PLCE1: variants seen among roughly 807,000 people sequenced by gnomAD.
PLCE1 encodes 1-phosphatidylinositol 4,5-bisphosphate phosphodiesterase epsilon-1.
PLCE1 carries 119 observed loss-of-function variants against 242.8 expected under a neutral mutation model. The ratio of observed to expected loss-of-function variants is 0.49; its 90% CI spans 0.42 to 0.57. The LOEUF (loss-of-function observed/expected upper bound fraction) is 0.57, where lower values mean the gene tolerates loss of function less well. Ranked by LOEUF, PLCE1 falls within the 20% of genes least tolerant of loss-of-function variation. The pLI is 0.00. For missense variants in PLCE1, 2,441 were observed against 2,788.8 expected (o/e 0.88, Z 2.81); for synonymous variants, 945 against 1,017.4 (o/e 0.93, Z 1.35).
chr10:94,119,547 G>T (rs2046239902), intron 2 of PLCE1, among the ~76,000 whole-genome samples: 1 of 152,076 alleles, frequency 6.6e-6, no homozygotes, highest in African/African-American at 2.4e-5. Context: ...TGTTCCCTTT[G>T]CTTAGAACAT....
At chr10:94,157,071 CA>C (rs997492970) in intron 3 of PLCE1, among the ~76,000 whole-genome samples, 1 of 151,964 alleles carries the variant, frequency 6.6e-6, no homozygotes, top group African/African-American at 2.4e-5. Flanking sequence ...CAGGATGATA[CA>C]GACATTTTAT....
At chr10:94,155,109 A>G (rs1414682192) in intron 3 of PLCE1, among the ~76,000 whole-genome samples, 1 of 151,968 alleles carries the variant, frequency 6.6e-6, no homozygotes, top group Admixed American at 6.6e-5. Flanking sequence ...GAGTTACCAT[A>G]TGATCCAACA....
At chr10:94,278,574 G>C (rs924905071) in intron 19 of PLCE1, among the ~76,000 whole-genome samples, 2 of 152,040 alleles carry the variant, frequency 1.3e-5, no homozygotes, top group Admixed American at 6.6e-5. Context: ...TGTGATCACT[G>C]TATTCAACAG....
At chr10:94,035,027 C>T (rs1023988171) in intron 2 of PLCE1, among the ~76,000 whole-genome samples, 35 of 152,152 alleles carry the variant, frequency 2.3e-4, no homozygotes, top group African/African-American at 8.4e-4. Flanking sequence ...GTCTCTTGAC[C>T]TGATTCCACA....
At chr10:94,180,714 C>G (rs2048284845) in intron 4 of PLCE1, among the ~76,000 whole-genome samples, 1 of 152,156 alleles carries the variant, frequency 6.6e-6, no homozygotes, top group Non-Finnish European at 1.5e-5. Context: ...AGAGTTGGGA[C>G]CTCTAAGAGG....
At chr10:94,197,434 A>G (rs903680694) in intron 4 of PLCE1, among the ~76,000 whole-genome samples, 1 of 152,210 alleles carries the variant, frequency 6.6e-6, no homozygotes, top group East Asian at 1.9e-4. Flanking sequence ...GCACCATTTG[A>G]CATTCCCACC....
chr10:94,072,073 CTCTT>C (rs994271515), intron 2 of PLCE1, among the ~76,000 whole-genome samples: 2 of 152,130 alleles, frequency 1.3e-5, no homozygotes, highest in Non-Finnish European at 2.9e-5. Context: ...ATGGCTAAAA[CTCTT>C]TCTGATTTTC....
chr10:94,303,994 C>G (rs1664866468), intron 24 of PLCE1, among the ~76,000 whole-genome samples: 1 of 151,960 alleles, frequency 6.6e-6, no homozygotes, highest in Admixed American at 6.6e-5. Context: ...CAACTTGAAT[C>G]TAGGCTCCCA....
chr10:94,000,807 G>A (rs949747738), intron 1 of PLCE1, among the ~76,000 whole-genome samples: 5 of 152,200 alleles, frequency 3.3e-5, no homozygotes, highest in Non-Finnish European at 5.9e-5. Context: ...AGCAGCCGCA[G>A]CGCCCTGAAG....
intron 14 of PLCE1, among the ~76,000 whole-genome samples, chr10:94,264,320 T>C (rs1462919699): frequency 6.6e-6 from 1 of 151,060 alleles, no homozygotes; most frequent in Non-Finnish European, 1.5e-5. Flanking sequence ...AAGCTGGGGG[T>C]TTATGAGGAA....
intron 19 of PLCE1, among the ~76,000 whole-genome samples, chr10:94,278,970 C>T (rs1054939597): frequency 5.3e-5 from 8 of 152,026 alleles, no homozygotes; most frequent in Non-Finnish European, 1.0e-4. Context: ...AATTTGTTCA[C>T]TTCCTTTGTT....
intron 8 of PLCE1, among the ~76,000 whole-genome samples, chr10:94,251,080 G>A (rs141741850): frequency 6.6e-6 from 1 of 152,228 alleles, no homozygotes; most frequent in African/African-American, 2.4e-5. Flanking sequence ...GTCAAAGGAG[G>A]ATATTTCATC....
intron 2 of PLCE1, among the ~76,000 whole-genome samples, chr10:94,050,985 T>G (rs1013333818): frequency 3.3e-5 from 5 of 152,076 alleles, no homozygotes; most frequent in Admixed American, 3.3e-4. Flanking sequence ...CTGGCCAGTT[T>G]ATGGGATGGG....
In PLCE1 at chr10:94,306,289, A is replaced by G; in HGVS notation, c.5623-138A>G. 6.8e-7 allele frequency: 1 copy of G among 1,481,366 alleles called. No individual in the cohort carries two copies. The highest frequency in any genetic ancestry group is 9.4e-7 in the Non-Finnish European group (1 of 1,066,406). The allele number at this position is 1,481,366 out of a possible 1,614,324, so 91.8% of individuals were successfully genotyped here. On this transcript the variant is annotated intron_variant, in intron 25 of 32. Transcript: ENST00000371380. This position sits in a 1 kb window ranked among gnomAD's most constrained non-coding sequence, Gnocchi z 5.7. ...CCAGCCCTACAATCACTTACTTTTT[A>G]AACAGTTTTATTCATCATTCACTTT...
chr10:94,256,323 C>CAAAAAAAAA (rs1316929334), intron 11 of PLCE1, among the ~76,000 whole-genome samples: 1 of 56,216 alleles, frequency 1.8e-5, no homozygotes, highest in Non-Finnish European at 3.6e-5. Context: ...GAGCTTGTCT[C>CAAAAAAAAA]AAAAAAAAAA....
At chr10:94,153,539 A>C (rs1186793424) in intron 3 of PLCE1, among the ~76,000 whole-genome samples, 1 of 152,206 alleles carries the variant, frequency 6.6e-6, no homozygotes, top group Non-Finnish European at 1.5e-5. Flanking sequence ...AGTTCTAGCC[A>C]GGGCAGTTAG....
chr10:94,038,687 T>G (rs1201780779), intron 2 of PLCE1, among the ~76,000 whole-genome samples: 1 of 152,178 alleles, frequency 6.6e-6, no homozygotes, highest in Non-Finnish European at 1.5e-5. Context: ...GAGAAATGCT[T>G]TGGTGTCTTC....
At chr10:94,128,635 T>C (rs912071147) in intron 2 of PLCE1, among the ~76,000 whole-genome samples, 1 of 152,204 alleles carries the variant, frequency 6.6e-6, no homozygotes, top group Non-Finnish European at 1.5e-5. Context: ...TTGGAGGTGA[T>C]TTGCAATACC....
chr10:94,030,968 A>G lies in PLCE1; in HGVS notation c.-79A>G, dbSNP rs2061545804. On this transcript the variant is annotated 5_prime_UTR_variant, in exon 2 of 33. Transcript: ENST00000371380. ...TGTATCTGAGATTGTTGTAATAATC[A>G]GTCATTTTATTAAAACCTTGACATG... 6 of 1,352,146 alleles carry G rather than the reference A, an allele frequency of 4.4e-6. No homozygotes were observed. The highest frequency in any genetic ancestry group is 3.4e-5 in the Admixed American group (2 of 59,576). 83.8% of individuals were successfully genotyped at this position (1,352,146 alleles called of 1,614,324 possible).
Sources: gnomAD v4.1 joint callset for allele counts (sites outside exome capture counted in the v4.1 genomes callset) on GRCh38, gnomAD v4.1.1 for gene constraint, Gnocchi (gnomAD v3.1) non-coding constraint, MANE v1.5 for transcripts, NCBI Gene and HGNC (gene_info 2026-07-23, HGNC 2026-07-21) for gene names.